Variants in RBAK observed in about 807,000 individuals in gnomAD.
RBAK encodes RB associated KRAB zinc finger, also known as RB-associated KRAB zinc finger protein.
Under a neutral mutation model 65.8 loss-of-function variants are expected in RBAK, and 39 were observed. The ratio of observed to expected loss-of-function variants is 0.59; its 90% CI spans 0.46 to 0.77. The LOEUF is 0.77. Among genes scored for constraint, RBAK ranks in the 30% least tolerant of loss-of-function variants. The probability of loss-of-function intolerance (pLI) is 0.00; values close to 1 mark genes in which losing one functional copy is unlikely to be tolerated. For missense variants in RBAK, 884 were observed against 855.1 expected, an observed-to-expected ratio of 1.03 and a Z score of -0.42; for synonymous variants, 343 against 289.7, an observed-to-expected ratio of 1.18 and a Z score of -1.87.
At chr7:5,060,903 T>C (rs1779052454) in intron 4 of RBAK, among the ~76,000 whole-genome samples, 1 of 152,186 alleles carries the variant, frequency 6.6e-6, no homozygotes, top group Non-Finnish European at 1.5e-5. Flanking sequence ...TAAAAATAGT[T>C]TGTGCATCCA....
rs535475552 is a variant in RBAK, at chr7:5,065,827, G to T, written c.*226G>T. The T allele has an allele frequency of 1.4e-5, 5 of 345,246 alleles. No individual in the cohort carries two copies. The highest frequency in any genetic ancestry group is 1.0e-4 in the African/African-American group (5 of 47,648). The allele number at this position is 345,246 out of a possible 1,614,324, so 21.4% of individuals were successfully genotyped here. On this transcript the variant is annotated 3_prime_UTR_variant, in exon 5 of 5. Transcript: ENST00000396912. The surrounding 1 kb of genome is among the most constrained non-coding windows in gnomAD (Gnocchi z 5.3). ...ACTCATCGGACACTAATTTATATAGGAGTGAAGTTTTATAAATATTTAATA... is the reference window on the plus strand; with the variant it reads ...ACTCATCGGACACTAATTTATATAGTAGTGAAGTTTTATAAATATTTAATA...
chr7:5,054,523 A>T (rs949684891), intron 2 of RBAK, among the ~76,000 whole-genome samples: 10 of 151,918 alleles, frequency 6.6e-5, no homozygotes, highest in African/African-American at 2.4e-4. Context: ...TGGAGGGTAT[A>T]TCCAGTACCT....
chr7:5,050,882 T>C (rs1221042535), intron 2 of RBAK, among the ~76,000 whole-genome samples: 1 of 152,220 alleles, frequency 6.6e-6, no homozygotes, highest in East Asian at 1.9e-4. Context: ...AGAATACTTT[T>C]CTAAAGATAA....
Position 5,065,258 on chromosome 7 carries a change from G to C in RBAK, c.1802G>C (p.Gly601Ala). 1 of 1,613,938 alleles carries C rather than the reference G, an allele frequency of 6.2e-7. No homozygotes were observed. Among genetic ancestry groups the C allele is most frequent in the Non-Finnish European group, 8.5e-7 (1 of 1,179,928 alleles). ...AAACCCTATGAATGTTACGAATGTG[G>C]AAAATTCTTCTCTCAGAAATCATAT... ...GEKPYECYECGKFFSQKSYLT... is the reference protein window; with the variant it reads ...GEKPYECYECAKFFSQKSYLT... Residue 601 changes from glycine to alanine, a missense_variant, in exon 5 of 5, where the codon GGA becomes GCA. By Grantham distance (60) the Gly-to-Ala change is moderately conservative. Transcript: ENST00000396912. This position sits in a 1 kb window ranked among gnomAD's most constrained non-coding sequence, Gnocchi z 5.3.
rs1052761249 is a variant in RBAK at position 5,066,671 on chromosome 7, A to G, written c.*1070A>G. 1.3e-5 allele frequency: 2 copies of G among 152,168 alleles called. No homozygotes were observed. Among genetic ancestry groups the G allele is most frequent in the African/African-American group, 4.8e-5 (2 of 41,456 alleles). The allele number at this position is 152,168 out of a possible 1,614,324, so 9.4% of individuals were successfully genotyped here. ...AAATTGATTCAAGTTTCTAGCAGAT[A>G]TTTTTTGATCAATTAACTTAATGTC... On this transcript the variant is annotated 3_prime_UTR_variant, in exon 5 of 5. Transcript: ENST00000396912.
At chr7:5,062,633 T>G (rs960234771) in intron 4 of RBAK, among the ~76,000 whole-genome samples, 12 of 152,104 alleles carry the variant, frequency 7.9e-5, no homozygotes, top group African/African-American at 2.9e-4. Flanking sequence ...TGACCAAAAT[T>G]TATTAGGCAG....
intron 4 of RBAK, among the ~76,000 whole-genome samples, chr7:5,062,749 A>G (rs4475394): frequency 0.12 from 18,384 of 152,200 alleles, 1,329 homozygotes; most frequent in African/African-American, 0.2. Context: ...GGGGCCATCT[A>G]TAGGCCCACC....
intron 2 of RBAK, among the ~76,000 whole-genome samples, chr7:5,056,754 A>T (rs1212111717): frequency 3.9e-5 from 6 of 152,188 alleles, no homozygotes; most frequent in Admixed American, 3.9e-4. Flanking sequence ...AAGAGCCAAA[A>T]GAACAAGGAG....
Position 5,065,034 on chromosome 7 carries a change from CG to C in RBAK, c.1579del (p.Asp527MetfsTer180). The C allele has an allele frequency of 6.2e-7, 1 of 1,613,762 alleles. No homozygotes were observed. Among genetic ancestry groups the C allele is most frequent in the Non-Finnish European group, 8.5e-7 (1 of 1,179,904 alleles). On this transcript the variant is annotated frameshift_variant, in exon 5 of 5. Transcript: ENST00000396912. LOFTEE classifies it high-confidence loss of function. This position sits in a 1 kb window ranked among gnomAD's most constrained non-coding sequence, Gnocchi z 5.3. ...AAACCTTCCTTGTAAATTCAGCCTT[CG>C]ATGGGCACCAGCCACTTCCAAAAGG... Reference protein sequence around the residue: ...GKTFLVNSAFDGHQPLPKGEK... With the variant: ...GKTFLVNSAFXGHQPLPKGEK...
chr7:5,058,884 C>A (rs186430775), intron 4 of RBAK, among the ~76,000 whole-genome samples: 129 of 152,116 alleles, frequency 8.5e-4, no homozygotes, highest in Non-Finnish European at 1.7e-3. Context: ...ACCTTTTTTC[C>A]TGTGTATTTT....
chr7:5,054,107 T>C (rs1226393161), intron 2 of RBAK, among the ~76,000 whole-genome samples: 1 of 152,148 alleles, frequency 6.6e-6, no homozygotes, highest in Admixed American at 6.6e-5. Context: ...AATCAGTGCC[T>C]TGAAAACCAT....
At chr7:5,049,826 C>T (rs754457623) in intron 2 of RBAK, among the ~76,000 whole-genome samples, 2 of 152,036 alleles carry the variant, frequency 1.3e-5, no homozygotes, top group African/African-American at 2.4e-5. Context: ...TGGGCTCACA[C>T]GATCCTCCTG....
In RBAK at chr7:5,065,672, G is replaced by C; in HGVS notation, c.*71G>C. 8.6e-7 allele frequency: 1 copy of C among 1,162,190 alleles called. No homozygotes were observed. The allele number at this position is 1,162,190 out of a possible 1,614,324, so 72.0% of individuals were successfully genotyped here. A position where few individuals can be genotyped will look rare whatever the true frequency, so the allele number is the denominator to read the frequency against. On this transcript the variant is annotated 3_prime_UTR_variant, in exon 5 of 5. Transcript: ENST00000396912. The surrounding 1 kb of genome is among the most constrained non-coding windows in gnomAD (Gnocchi z 5.3). ...GGGGAATCCAATAGGAAGTCAAAGCGTTTATCTGAGAGTTCGTGTTCCTGA... is the reference window on the plus strand; with the variant it reads ...GGGGAATCCAATAGGAAGTCAAAGCCTTTATCTGAGAGTTCGTGTTCCTGA...
At chr7:5,046,863 G>T (rs1364748223) in intron 1 of RBAK, among the ~76,000 whole-genome samples, 1 of 152,098 alleles carries the variant, frequency 6.6e-6, no homozygotes, top group African/African-American at 2.4e-5. Flanking sequence ...TGACTTGACC[G>T]GGTCACTGGC....
In RBAK at chr7:5,065,717, C is replaced by A; in HGVS notation, c.*116C>A. 2 of 683,942 alleles carry A rather than the reference C, an allele frequency of 2.9e-6. No individual in the cohort carries two copies. Among genetic ancestry groups the A allele is most frequent in the Non-Finnish European group, 4.3e-6 (2 of 461,830 alleles). The allele number at this position is 683,942 out of a possible 1,614,324, so 42.4% of individuals were successfully genotyped here. ...TCCTGAACGGTGAGAAGCATTTAGG[C>A]ATTAGAGTCATTTTAATCCAAATTT... On this transcript the variant is annotated 3_prime_UTR_variant, in exon 5 of 5. Transcript: ENST00000396912. The surrounding 1 kb of genome is among the most constrained non-coding windows in gnomAD (Gnocchi z 5.3).
At chr7:5,049,782 G>C (rs1788075512) in intron 2 of RBAK, among the ~76,000 whole-genome samples, 2 of 151,790 alleles carry the variant, frequency 1.3e-5, no homozygotes, top group African/African-American at 4.8e-5. Flanking sequence ...GGAGTGTAGA[G>C]ACGTGATCAC....
At chr7:5,063,105 A>G (rs929353318) in intron 4 of RBAK, among the ~76,000 whole-genome samples, 1 of 152,234 alleles carries the variant, frequency 6.6e-6, no homozygotes, top group African/African-American at 2.4e-5. Flanking sequence ...TGGGGAAGTG[A>G]TAAGTGTCCG....
intron 1 of RBAK, among the ~76,000 whole-genome samples, chr7:5,047,028 C>T (rs948710171): frequency 3.3e-5 from 5 of 152,316 alleles, no homozygotes; most frequent in Admixed American, 1.3e-4. Context: ...ATATTTTATA[C>T]ACATTCATTT....
chr7:5,060,102 A>G (rs1461388825), intron 4 of RBAK, among the ~76,000 whole-genome samples: 1 of 152,220 alleles, frequency 6.6e-6, no homozygotes, highest in Admixed American at 6.5e-5. Flanking sequence ...TCTGAGAGGT[A>G]GGTGCATATA....
Sources: allele counts gnomAD v4.1 joint callset (sites outside exome capture counted in the v4.1 genomes callset), GRCh38; gene constraint gnomAD v4.1.1; non-coding constraint Gnocchi (gnomAD v3.1); transcripts MANE v1.5; gene names NCBI Gene and HGNC (gene_info 2026-07-23, HGNC 2026-07-21).